The following ARHGAP26 variants were observed in gnomAD, a reference collection of about 807,000 sequenced individuals.
ARHGAP26 encodes Rho GTPase activating protein 26, also known as rho GTPase-activating protein 26.
A neutral mutation model predicts 104.8 loss-of-function variants in ARHGAP26; 38 were observed. The ratio of observed to expected loss-of-function variants is 0.36; its 90% CI spans 0.28 to 0.48. The LOEUF is 0.48. ARHGAP26 is among the 20% of genes least tolerant of loss of function. The probability of loss-of-function intolerance (pLI) is 0.99; values close to 1 mark genes in which losing one functional copy is unlikely to be tolerated. For missense variants in ARHGAP26, 704 were observed against 947.9 expected, an observed-to-expected ratio of 0.74 and a Z score of 3.38; for synonymous variants, 341 against 340.0, an observed-to-expected ratio of 1.00 and a Z score of -0.03.
At chr5:142,876,571 TTCAA>T (rs60891090) in intron 3 of ARHGAP26, among the ~76,000 whole-genome samples, 8,444 of 150,558 alleles carry the variant, frequency 0.056, 599 homozygotes, top group East Asian at 0.29. Flanking sequence ...AGCCTGGGAG[TTCAA>T]GACCAGTCTG....
chr5:142,838,083 A>AC lies in ARHGAP26; in HGVS notation c.155-35313dup, dbSNP rs1249063373. Among the ~76,000 whole-genome samples, 7 of 151,958 alleles carry AC rather than the reference A, an allele frequency of 4.6e-5. No homozygotes were observed. In the East Asian group the frequency reaches 1.4e-3, roughly 29 times the overall value. On this transcript the variant is annotated intron_variant, in intron 1 of 22. Transcript: ENST00000645722. ...AGACCAACATGGCCAACATGGTGAA[A>AC]CCCCGTCTACTAAAAATACGAAAAT...
At chr5:143,152,135 G>A (rs1282755601) in intron 20 of ARHGAP26, among the ~76,000 whole-genome samples, 1 of 152,128 alleles carries the variant, frequency 6.6e-6, no homozygotes, top group Admixed American at 6.5e-5. Context: ...AGACTATTCT[G>A]TATGATGCTG....
At chr5:142,848,968 T>C (rs1458829873) in intron 1 of ARHGAP26, among the ~76,000 whole-genome samples, 1 of 152,236 alleles carries the variant, frequency 6.6e-6, no homozygotes, top group African/African-American at 2.4e-5. Context: ...TGGTTATCTT[T>C]GCACTAAATT....
intron 20 of ARHGAP26, among the ~76,000 whole-genome samples, chr5:143,156,332 A>C (rs530707024): frequency 6.6e-6 from 1 of 152,188 alleles, no homozygotes; most frequent in Non-Finnish European, 1.5e-5. Context: ...CCTTCTCTGC[A>C]TTAGGGATCT....
intron 11 of ARHGAP26, among the ~76,000 whole-genome samples, chr5:142,998,406 C>T (rs1403951560): frequency 1.3e-5 from 2 of 152,132 alleles, no homozygotes; most frequent in Non-Finnish European, 2.9e-5. Flanking sequence ...CTGTCATGCT[C>T]TCAAGACAGA....
At chr5:143,031,831 G>C (rs1020781978) in intron 12 of ARHGAP26, among the ~76,000 whole-genome samples, 1 of 152,012 alleles carries the variant, frequency 6.6e-6, no homozygotes, top group Non-Finnish European at 1.5e-5. Flanking sequence ...AGCGATTCAA[G>C]CCTCCTCCTT....
At chr5:143,203,100 T>A (rs896404315) in intron 20 of ARHGAP26, 1 of 152,054 alleles carries the variant, frequency 6.6e-6, no homozygotes, top group Non-Finnish European at 1.5e-5. Context: ...CTAAAAAGCT[T>A]CTGCACAGCA....
At chr5:142,823,175 G>A (rs1015616136) in intron 1 of ARHGAP26, among the ~76,000 whole-genome samples, 1 of 152,174 alleles carries the variant, frequency 6.6e-6, no homozygotes, top group Non-Finnish European at 1.5e-5. Context: ...GGGTGGAGCT[G>A]AGGATTGGAC....
intron 1 of ARHGAP26, among the ~76,000 whole-genome samples, chr5:142,829,728 A>G (rs1008710815): frequency 3.3e-5 from 5 of 152,238 alleles, no homozygotes; most frequent in Admixed American, 1.3e-4. Flanking sequence ...CACCTGGTCA[A>G]GCAGGTAATG....
At chr5:142,823,769 A>G (rs1318847759) in intron 1 of ARHGAP26, among the ~76,000 whole-genome samples, 1 of 152,210 alleles carries the variant, frequency 6.6e-6, no homozygotes, top group Non-Finnish European at 1.5e-5. Flanking sequence ...TGATGGCAAT[A>G]ATTGCTTTTG....
intron 20 of ARHGAP26, among the ~76,000 whole-genome samples, chr5:143,200,685 G>A (rs1347154175): frequency 6.6e-6 from 1 of 152,144 alleles, no homozygotes; most frequent in Non-Finnish European, 1.5e-5. Context: ...TTTCTTCTTG[G>A]TTTTTGGTAT....
intron 7 of ARHGAP26, 59 bp downstream of exon 7, chr5:142,902,098 C>G: frequency 8.9e-6 from 13 of 1,458,636 alleles, no homozygotes; most frequent in Non-Finnish European, 1.2e-5. Context: ...AAATATGGGC[C>G]TGATTGCCCT....
At chr5:142,805,060 G>A (rs546134708) in intron 1 of ARHGAP26, among the ~76,000 whole-genome samples, 59 of 151,726 alleles carry the variant, frequency 3.9e-4, no homozygotes, top group African/African-American at 1.4e-3. Context: ...TCCATCATGT[G>A]GCTATACCAC....
chr5:142,926,923 G>A lies in ARHGAP26; in HGVS notation c.1029-5124G>A, dbSNP rs79097406. Among the ~76,000 whole-genome samples the A allele has an allele frequency of 5.7e-3, 871 of 152,204 alleles. 10 individuals are homozygous for A. The highest frequency in any genetic ancestry group is 0.018 in the African/African-American group (765 of 41,522). On this transcript the variant is annotated intron_variant, in intron 10 of 22. Coordinates refer to ENST00000645722, the MANE Select transcript of ARHGAP26 (RefSeq NM_001135608.3). ...CGTGTGCCTGACACTTTGAAATGCC[G>A]CATACACTTCTCATATAACCTTCCC...
At chr5:143,095,914 A>C (rs1219683044) in intron 17 of ARHGAP26, among the ~76,000 whole-genome samples, 1 of 152,270 alleles carries the variant, frequency 6.6e-6, no homozygotes, top group Admixed American at 6.5e-5. Flanking sequence ...TACAAAAATC[A>C]GTCCTAGCAT....
intron 1 of ARHGAP26, among the ~76,000 whole-genome samples, chr5:142,790,560 A>G (rs1759591005): frequency 6.6e-6 from 1 of 152,134 alleles, no homozygotes; most frequent in African/African-American, 2.4e-5. Flanking sequence ...GTGGCTTCCC[A>G]TGCCATTCGT....
chr5:142,961,328 A>C (rs1598400537), intron 11 of ARHGAP26, among the ~76,000 whole-genome samples: 1 of 151,820 alleles, frequency 6.6e-6, no homozygotes, highest in Non-Finnish European at 1.5e-5. Context: ...CCATCTCTAC[A>C]AAAAATACAA....
intron 6 of ARHGAP26, among the ~76,000 whole-genome samples, chr5:142,899,727 A>G (rs969171362): frequency 6.6e-6 from 1 of 151,940 alleles, no homozygotes; most frequent in African/African-American, 2.4e-5. Context: ...GGTGGGGGAG[A>G]GAAAAGGTGC....
intron 10 of ARHGAP26, among the ~76,000 whole-genome samples, chr5:142,923,727 G>A (rs1274771620): frequency 1.3e-5 from 2 of 152,028 alleles, no homozygotes; most frequent in African/African-American, 4.8e-5. Flanking sequence ...TATCTGATGT[G>A]GTTGGTGATA....
Sources: allele counts gnomAD v4.1 joint callset (sites outside exome capture counted in the v4.1 genomes callset), GRCh38; gene constraint gnomAD v4.1.1; transcripts MANE v1.5; gene names NCBI Gene and HGNC (gene_info 2026-07-23, HGNC 2026-07-21).